CYP4X1: variants seen among roughly 807,000 people sequenced by gnomAD.
CYP4X1 encodes the protein cytochrome P450 4X1.
A neutral mutation model predicts 57.9 loss-of-function variants in CYP4X1; 44 were observed. That is an observed-to-expected ratio of 0.76 (90% confidence interval 0.60 to 0.98). The LOEUF (loss-of-function observed/expected upper bound fraction) is 0.98, where lower values mean the gene tolerates loss of function less well. CYP4X1 is among the 50% of genes least tolerant of loss of function. CYP4X1 has a pLI of 0.00. For synonymous variants in CYP4X1, 227 were observed against 228.6 expected (o/e 0.99, Z 0.06); for missense variants, 532 against 623.9 (o/e 0.85, Z 1.57).
At chr1:47,040,616 T>C (rs896701335) in intron 8 of CYP4X1, among the ~76,000 whole-genome samples, 2 of 152,166 alleles carry the variant, frequency 1.3e-5, no homozygotes, top group African/African-American at 4.8e-5. Flanking sequence ...AAATACAATG[T>C]TGAGTAATCA....
At chr1:47,011,155 C>CTA in the CYP4X1 span, among the ~76,000 whole-genome samples, 1 of 152,270 alleles carries the variant, frequency 6.6e-6, no homozygotes, top group Non-Finnish European at 1.5e-5. Flanking sequence ...TGACTTCAAG[C>CTA]TATACTACAA....
At chr1:47,006,119 T>C in the CYP4X1 span, among the ~76,000 whole-genome samples, 1 of 152,192 alleles carries the variant, frequency 6.6e-6, no homozygotes, top group Admixed American at 6.5e-5. Flanking sequence ...GTCCAGTGAA[T>C]GGGGTAAATG....
chr1:46,972,977 G>A, the CYP4X1 span, among the ~76,000 whole-genome samples: 1 of 152,006 alleles, frequency 6.6e-6, no homozygotes, highest in Non-Finnish European at 1.5e-5. Context: ...TGTTGAATAG[G>A]TGTGTTGAGA....
intron 4 of CYP4X1, 71 bp downstream of exon 4, chr1:47,033,439 T>G: frequency 6.5e-7 from 1 of 1,543,418 alleles, no homozygotes; most frequent in Non-Finnish European, 8.7e-7. Context: ...AGGTATGTGT[T>G]TTGTGGGCCA....
chr1:46,981,015 A>G, the CYP4X1 span, among the ~76,000 whole-genome samples: 2 of 152,200 alleles, frequency 1.3e-5, no homozygotes, highest in Non-Finnish European at 2.9e-5. Flanking sequence ...ATTAGACCTA[A>G]AACCATAAAA....
At chr1:46,981,762 G>A in the CYP4X1 span, among the ~76,000 whole-genome samples, 2 of 152,212 alleles carry the variant, frequency 1.3e-5, no homozygotes, top group East Asian at 3.8e-4. Flanking sequence ...ACTGGATTAA[G>A]AAAATGTGGC....
At chr1:46,970,302 G>C in the CYP4X1 span, among the ~76,000 whole-genome samples, 1 of 152,168 alleles carries the variant, frequency 6.6e-6, no homozygotes, top group East Asian at 1.9e-4. Flanking sequence ...ATGCTGGCTG[G>C]CCATTGGGAA....
chr1:46,971,027 C>T, the CYP4X1 span, among the ~76,000 whole-genome samples: 1 of 152,110 alleles, frequency 6.6e-6, no homozygotes, highest in Admixed American at 6.6e-5. Context: ...TATTTTGTCA[C>T]CCAGATAAAA....
Position 47,023,961 on chromosome 1 carries a change from GC to G in CYP4X1, c.150del (p.Thr51ProfsTer53), listed in dbSNP as rs539638964. On this transcript the variant is annotated frameshift_variant, in exon 1 of 12. Coordinates refer to ENST00000371901, the MANE Select transcript of CYP4X1 (RefSeq NM_178033.2). LOFTEE classifies it high-confidence loss of function. ...TGCGGGACCTGCGCCCCTTCCCAGCGCCCCCCACCCACTGGTTCCTTGGGCA... is the reference window on the plus strand; with the variant it reads ...TGCGGGACCTGCGCCCCTTCCCAGCGCCCCCACCCACTGGTTCCTTGGGCA... ...LLRDLRPFPA[P>X]PTHWFLGHQK... 2.9e-5 allele frequency: 47 copies of G among 1,612,984 alleles called. No homozygotes were observed. The highest frequency in any genetic ancestry group is 2.8e-4 in the African/African-American group (21 of 75,024).
At chr1:47,047,504 T>A (rs1415239148) in intron 9 of CYP4X1, among the ~76,000 whole-genome samples, 1 of 152,194 alleles carries the variant, frequency 6.6e-6, no homozygotes, top group African/African-American at 2.4e-5. Context: ...CCAAACCACA[T>A]GGATATTTGC....
At chr1:47,029,939 G>C (rs371768408) in intron 1 of CYP4X1, 51 bp from the exon 2 acceptor site, 29 of 1,594,866 alleles carry the variant, frequency 1.8e-5, no homozygotes, top group Admixed American at 3.4e-5. Context: ...GTCTATAAGA[G>C]GGGACAGGTC....
At chr1:46,965,082 T>G in the CYP4X1 span, among the ~76,000 whole-genome samples, 1 of 152,176 alleles carries the variant, frequency 6.6e-6, no homozygotes, top group Non-Finnish European at 1.5e-5. Flanking sequence ...GCTAAGACCA[T>G]CAGAAAAGTG....
At chr1:47,017,172 A>C in the CYP4X1 span, among the ~76,000 whole-genome samples, 2 of 152,352 alleles carry the variant, frequency 1.3e-5, no homozygotes, top group East Asian at 1.9e-4. Context: ...ATGGGAGTGC[A>C]GATATCTCTT....
chr1:46,973,246 T>C, the CYP4X1 span, among the ~76,000 whole-genome samples: 3 of 152,212 alleles, frequency 2.0e-5, no homozygotes, highest in African/African-American at 7.2e-5. Flanking sequence ...TTTGTATGTA[T>C]TGAACCACTC....
At chr1:47,009,509 G>C in the CYP4X1 span, among the ~76,000 whole-genome samples, 1 of 152,088 alleles carries the variant, frequency 6.6e-6, no homozygotes. Flanking sequence ...AACTAGAGAA[G>C]CAAGAACAAA....
At chr1:47,026,286 C>A (rs185227668) in intron 1 of CYP4X1, among the ~76,000 whole-genome samples, 1 of 152,290 alleles carries the variant, frequency 6.6e-6, no homozygotes, top group African/African-American at 2.4e-5. Flanking sequence ...GTACCCCATT[C>A]TTCATGATGT....
chr1:47,050,211 C>T lies in CYP4X1; in HGVS notation c.*37C>T, dbSNP rs373518576. The stretch of plus-strand genomic sequence containing the variant: ...CAATGATTAAACGTACTTTGTTTTT[C>T]GAAGTTAAATTTACAGCTAATGATC... On this transcript the variant is annotated 3_prime_UTR_variant, in exon 12 of 12. Transcript: ENST00000371901. The T allele has an allele frequency of 7.5e-6, 12 of 1,607,376 alleles. No individual in the cohort carries two copies. The highest frequency in any genetic ancestry group is 5.0e-5 in the Admixed American group (3 of 59,664).
chr1:47,036,370 T>TATATATATATATATATA lies in CYP4X1; in HGVS notation c.775+199_775+200insATATATATATATATATA, dbSNP rs1553152516. On this transcript the variant is annotated intron_variant, in intron 6 of 11. Coordinates refer to ENST00000371901, the MANE Select transcript of CYP4X1 (RefSeq NM_178033.2). ...AACCATAGCAGTATTATCAGAATTTTTATATATATATATATACACTATTTT... is the reference window on the plus strand; with the variant it reads ...AACCATAGCAGTATTATCAGAATTTTATATATATATATATATATATATATATATATATACACTATTTT... Among the ~76,000 whole-genome samples the TATATATATATATATATA allele has an allele frequency of 7.9e-3, 1,023 of 129,752 alleles. 22 individuals are homozygous for TATATATATATATATATA. The highest frequency in any genetic ancestry group is 0.038 in the East Asian group (106 of 2,788). 85.1% of individuals were successfully genotyped at this position (129,752 alleles called of 152,430 possible).
Position 47,050,246 on chromosome 1 carries a change from A to G in CYP4X1, c.*72A>G. 1 of 1,542,596 alleles carries G rather than the reference A, an allele frequency of 6.5e-7. No homozygotes were observed. Among genetic ancestry groups the G allele is most frequent in the East Asian group, 2.3e-5 (1 of 44,286 alleles). The stretch of plus-strand genomic sequence containing the variant: ...TTTACAGCTAATGATCCAAGCAGAT[A>G]GAAAGGGATCAATGTATGGTGGGAG... On this transcript the variant is annotated 3_prime_UTR_variant, in exon 12 of 12. Coordinates refer to ENST00000371901, the MANE Select transcript of CYP4X1 (RefSeq NM_178033.2).
Sources: allele counts gnomAD v4.1 joint callset (sites outside exome capture counted in the v4.1 genomes callset), GRCh38; gene constraint gnomAD v4.1.1; transcripts MANE v1.5; gene names NCBI Gene and HGNC (gene_info 2026-07-23, HGNC 2026-07-21).